The following BNC2 variants were observed in gnomAD, a reference collection of about 807,000 sequenced individuals.
BNC2 encodes zinc finger protein basonuclin-2.
BNC2 carries 20 observed loss-of-function variants against 76.3 expected under a neutral mutation model. The ratio of observed to expected loss-of-function variants is 0.26; its 90% CI spans 0.18 to 0.38. BNC2 has a LOEUF of 0.38. Ranked by LOEUF, BNC2 falls within the 10% of genes least tolerant of loss-of-function variation. The pLI is 1.00. For missense variants in BNC2, 1,382 were observed against 1,399.8 expected (o/e 0.99, Z 0.20); for synonymous variants, 582 against 514.8 (o/e 1.13, Z -1.77).
At chr9:16,579,786 G>C in intron 4 of BNC2, 2 of 228,528 alleles carry the variant, frequency 8.8e-6, no homozygotes, top group Non-Finnish European at 1.7e-5. Context: ...GGAATGAACT[G>C]AAAATGCTGT....
chr9:16,776,004 G>A (rs1825956320), intron 1 of BNC2, among the ~76,000 whole-genome samples: 1 of 152,124 alleles, frequency 6.6e-6, no homozygotes, highest in South Asian at 2.1e-4. Context: ...CAGCAGGACT[G>A]AGACCAGAAG....
At chr9:16,545,546 A>G (rs1818454777) in intron 5 of BNC2, among the ~76,000 whole-genome samples, 1 of 152,190 alleles carries the variant, frequency 6.6e-6, no homozygotes, top group Non-Finnish European at 1.5e-5. Flanking sequence ...ATCTGCCTTC[A>G]CTGCATGACT....
chr9:16,695,479 C>T (rs1160518488), intron 3 of BNC2, among the ~76,000 whole-genome samples: 3 of 151,590 alleles, frequency 2.0e-5, no homozygotes, highest in African/African-American at 7.3e-5. Flanking sequence ...TACCCACGTG[C>T]CCTGCAATTT....
chr9:16,483,691 G>A (rs770815960), intron 5 of BNC2, among the ~76,000 whole-genome samples: 3 of 152,120 alleles, frequency 2.0e-5, no homozygotes, highest in African/African-American at 2.4e-5. Context: ...AAATTCACAC[G>A]CATATGTGGA....
chr9:16,655,153 A>T (rs971281085), intron 3 of BNC2, among the ~76,000 whole-genome samples: 2 of 151,884 alleles, frequency 1.3e-5, no homozygotes, highest in African/African-American at 4.8e-5. Context: ...ATATTACAGA[A>T]ATTCAAGTAA....
chr9:16,630,893 C>A (rs940500182), intron 3 of BNC2, among the ~76,000 whole-genome samples: 4 of 151,988 alleles, frequency 2.6e-5, no homozygotes, highest in Non-Finnish European at 4.4e-5. Flanking sequence ...GCATGCGCCA[C>A]CACGCCCAGC....
chr9:16,787,402 A>G (rs117650231), intron 1 of BNC2, among the ~76,000 whole-genome samples: 1,832 of 152,342 alleles, frequency 0.012, 14 homozygotes, highest in South Asian at 0.038. Context: ...TGTGCATGAA[A>G]GAGTATGGAC....
At chr9:16,460,538 A>G (rs953463638) in intron 5 of BNC2, among the ~76,000 whole-genome samples, 3 of 152,128 alleles carry the variant, frequency 2.0e-5, no homozygotes, top group African/African-American at 7.2e-5. Flanking sequence ...CACAAGAATC[A>G]CTTGTACTCG....
intron 4 of BNC2, among the ~76,000 whole-genome samples, chr9:16,579,543 A>G (rs949559996): frequency 2.0e-5 from 3 of 152,166 alleles, no homozygotes; most frequent in African/African-American, 4.8e-5. Flanking sequence ...TCAACCTCGC[A>G]AAGTGCTGGG....
At chr9:16,522,163 G>A (rs1817640343) in intron 5 of BNC2, among the ~76,000 whole-genome samples, 1 of 152,212 alleles carries the variant, frequency 6.6e-6, no homozygotes, top group Non-Finnish European at 1.5e-5. Flanking sequence ...GAAAAGGGGG[G>A]CAGGAGGAGA....
intron 5 of BNC2, among the ~76,000 whole-genome samples, chr9:16,497,796 A>G (rs1401138319): frequency 6.6e-6 from 1 of 152,162 alleles, no homozygotes; most frequent in Non-Finnish European, 1.5e-5. Flanking sequence ...CCCTGGAAAG[A>G]ACAATTATAC....
At chr9:16,494,547 G>T (rs1167332221) in intron 5 of BNC2, among the ~76,000 whole-genome samples, 2 of 152,142 alleles carry the variant, frequency 1.3e-5, no homozygotes, top group African/African-American at 4.8e-5. Flanking sequence ...CAGCAGTCAG[G>T]GCAAGAGTCA....
chr9:16,733,838 C>G (rs927652680), intron 2 of BNC2, among the ~76,000 whole-genome samples: 1 of 151,548 alleles, frequency 6.6e-6, no homozygotes, highest in Admixed American at 6.6e-5. Flanking sequence ...GAGCCGAGAT[C>G]ACGCCACTGC....
At chr9:16,539,781 A>T (rs1190741315) in intron 5 of BNC2, among the ~76,000 whole-genome samples, 1 of 122,672 alleles carries the variant, frequency 8.2e-6, no homozygotes, top group South Asian at 3.1e-4. Context: ...AAGGAAAGGA[A>T]AGGAAAGGAA....
chr9:16,755,293 C>T (rs1825348506), intron 1 of BNC2, among the ~76,000 whole-genome samples: 1 of 152,000 alleles, frequency 6.6e-6, no homozygotes, highest in South Asian at 2.1e-4. Context: ...ACCCAGGGGA[C>T]TGAAGAGAAT....
intron 3 of BNC2, among the ~76,000 whole-genome samples, chr9:16,704,504 C>T (rs960840094): frequency 6.6e-6 from 1 of 150,690 alleles, no homozygotes; most frequent in Admixed American, 6.6e-5. Context: ...TTAAATCACA[C>T]TGAAAACCTT....
At chr9:16,611,199 T>G (rs1820536106) in intron 3 of BNC2, among the ~76,000 whole-genome samples, 1 of 152,220 alleles carries the variant, frequency 6.6e-6, no homozygotes, top group African/African-American at 2.4e-5. Flanking sequence ...CCGAAATATA[T>G]TTGTTACAAC....
intron 4 of BNC2, 142 bp from the exon 5 acceptor site, chr9:16,552,907 T>C (rs1818709600): frequency 3.0e-6 from 2 of 671,946 alleles, no homozygotes; most frequent in Non-Finnish European, 5.3e-6. Context: ...TTAAGCAAGA[T>C]CTTGCAAAGA....
At chr9:16,857,144 A>G (rs1043972608) in intron 1 of BNC2, among the ~76,000 whole-genome samples, 3 of 152,188 alleles carry the variant, frequency 2.0e-5, no homozygotes, top group African/African-American at 7.2e-5. Context: ...ACCAAAATTT[A>G]CGTCTGGTAA....
Sources: allele counts gnomAD v4.1 joint callset (sites outside exome capture counted in the v4.1 genomes callset), GRCh38; gene constraint gnomAD v4.1.1; transcripts MANE v1.5; gene names NCBI Gene and HGNC (gene_info 2026-07-23, HGNC 2026-07-21).